The following PACSIN2 variants were observed in gnomAD, a reference collection of about 807,000 sequenced individuals.
PACSIN2 encodes the protein protein kinase C and casein kinase substrate in neurons protein 2.
In PACSIN2, 25 loss-of-function variants were observed where a neutral mutation model predicts 63.8. The observed-to-expected ratio is 0.39, with a 90% CI of 0.29 to 0.55. The LOEUF is 0.55. Ranked by LOEUF, PACSIN2 falls within the 20% of genes least tolerant of loss-of-function variation. The probability of loss-of-function intolerance (pLI) is 0.62; values close to 1 mark genes in which losing one functional copy is unlikely to be tolerated. For missense variants in PACSIN2, 518 were observed against 646.9 expected (o/e 0.80, Z 2.16); for synonymous variants, 255 against 256.2 (o/e 1.00, Z 0.05).
chr22:42,960,825 G>C (rs763494448), intron 1 of PACSIN2, among the ~76,000 whole-genome samples: 47 of 152,294 alleles, frequency 3.1e-4, no homozygotes, highest in Admixed American at 6.5e-4. Context: ...CTTGAGATCT[G>C]TGCACTTTAG....
intron 1 of PACSIN2, among the ~76,000 whole-genome samples, chr22:42,922,559 G>A (rs1249220282): frequency 6.6e-6 from 1 of 152,188 alleles, no homozygotes; most frequent in Non-Finnish European, 1.5e-5. Flanking sequence ...GCTGGGTTCT[G>A]GCCGCTCCAC....
chr22:42,960,243 C>T (rs1934083078), intron 1 of PACSIN2, among the ~76,000 whole-genome samples: 1 of 152,230 alleles, frequency 6.6e-6, no homozygotes, highest in Non-Finnish European at 1.5e-5. Flanking sequence ...GCTCTCTCTG[C>T]ATCTGAGGGG....
chr22:42,901,540 C>T (rs1051170432), intron 2 of PACSIN2, among the ~76,000 whole-genome samples: 5 of 152,202 alleles, frequency 3.3e-5, no homozygotes, highest in African/African-American at 9.6e-5. Flanking sequence ...AGTCCCTCTC[C>T]GTATATTTCT....
At chr22:42,874,115 T>C (rs914594158) in intron 10 of PACSIN2, among the ~76,000 whole-genome samples, 5 of 151,996 alleles carry the variant, frequency 3.3e-5, no homozygotes, top group Admixed American at 6.6e-5. Context: ...AAATTGAAGA[T>C]GTGAAAAGCC....
intron 1 of PACSIN2, among the ~76,000 whole-genome samples, chr22:42,984,112 A>T (rs1042110546): frequency 2.0e-5 from 3 of 151,876 alleles, no homozygotes; most frequent in African/African-American, 7.3e-5. Flanking sequence ...CTGGGATCAT[A>T]GGTGTGCACC....
chr22:42,949,708 TCTCA>T (rs60298779), intron 1 of PACSIN2, among the ~76,000 whole-genome samples: 8,452 of 151,298 alleles, frequency 0.056, 753 homozygotes, highest in African/African-American at 0.19. Context: ...ACACACACTC[TCTCA>T]CACACACACA....
In PACSIN2 at chr22:42,871,274, G is replaced by A. The variant is rs887326521; in HGVS notation, c.*83C>T. ...AGCAATGGAACCATCATCTCTTGCA[G>A]GAAAAGGAGTGGATGCCCACGTGGC... On this transcript the variant is annotated 3_prime_UTR_variant, in exon 11 of 11. Transcript: ENST00000263246. This position sits in a 1 kb window ranked among gnomAD's most constrained non-coding sequence, Gnocchi z 5.4. 18 of 827,798 alleles carry A rather than the reference G, an allele frequency of 2.2e-5. No homozygotes were observed. In the East Asian group the frequency reaches 3.5e-4, roughly 16 times the overall value. The allele number at this position is 827,798 out of a possible 1,614,324, so 51.3% of individuals were successfully genotyped here.
chr22:42,952,204 T>C (rs1426813438), intron 1 of PACSIN2, among the ~76,000 whole-genome samples: 1 of 152,216 alleles, frequency 6.6e-6, no homozygotes, highest in African/African-American at 2.4e-5. Flanking sequence ...AACAGGCACA[T>C]AATAAACACA....
chr22:42,919,102 AATTT>A (rs1239138041), intron 1 of PACSIN2, among the ~76,000 whole-genome samples: 6 of 152,182 alleles, frequency 3.9e-5, no homozygotes, highest in Non-Finnish European at 5.9e-5. Flanking sequence ...TTTGGAAATC[AATTT>A]ATTAATGCAA....
intron 1 of PACSIN2, among the ~76,000 whole-genome samples, chr22:42,922,779 G>C (rs1379041749): frequency 6.6e-6 from 1 of 152,234 alleles, no homozygotes; most frequent in South Asian, 2.1e-4. Context: ...CAGTGGACAA[G>C]GCAGACTGGG....
At chr22:42,926,572 C>T (rs17003418) in intron 1 of PACSIN2, among the ~76,000 whole-genome samples, 1,880 of 152,236 alleles carry the variant, frequency 0.012, 22 homozygotes, top group Non-Finnish European at 0.02. Flanking sequence ...ACAGCACAGA[C>T]TCTCCAATAT....
At chr22:42,928,669 T>A (rs1336990715) in intron 1 of PACSIN2, among the ~76,000 whole-genome samples, 2 of 152,208 alleles carry the variant, frequency 1.3e-5, no homozygotes, top group Non-Finnish European at 2.9e-5. Context: ...TTGTAGGTAA[T>A]CAGGCTGGTG....
intron 5 of PACSIN2, among the ~76,000 whole-genome samples, 157 bp downstream of exon 5, chr22:42,888,476 GTGCTAGGGCA>G (rs1199855848): frequency 3.3e-5 from 5 of 152,192 alleles, no homozygotes; most frequent in Admixed American, 6.5e-5. Flanking sequence ...GTGAGGCGAG[GTGCTAGGGCA>G]CTCACCTGTG....
intron 1 of PACSIN2, among the ~76,000 whole-genome samples, chr22:42,913,691 A>G (rs1931622848): frequency 6.6e-6 from 1 of 152,170 alleles, no homozygotes; most frequent in South Asian, 2.1e-4. Context: ...CATAGTAATT[A>G]TGATTACTAT....
chr22:42,979,899 T>C (rs1185051762), intron 1 of PACSIN2, among the ~76,000 whole-genome samples: 2 of 152,202 alleles, frequency 1.3e-5, no homozygotes, highest in Non-Finnish European at 1.5e-5. Flanking sequence ...ATGCCAACTG[T>C]ACTTGTCATT....
At chr22:42,990,712 C>G (rs748804683) in intron 1 of PACSIN2, among the ~76,000 whole-genome samples, 1 of 152,140 alleles carries the variant, frequency 6.6e-6, no homozygotes, top group Admixed American at 6.5e-5. Context: ...GACCACAAGT[C>G]TGGATTTTAT....
intron 1 of PACSIN2, among the ~76,000 whole-genome samples, chr22:42,977,019 T>C (rs56182394): frequency 0.031 from 4,690 of 152,308 alleles, 249 homozygotes; most frequent in African/African-American, 0.11. Flanking sequence ...AATACACTAC[T>C]GTATTCAAAT....
chr22:42,939,583 C>T (rs1162031761), intron 1 of PACSIN2, among the ~76,000 whole-genome samples: 1 of 152,204 alleles, frequency 6.6e-6, no homozygotes, highest in Non-Finnish European at 1.5e-5. Flanking sequence ...AGCACTCCCA[C>T]AGGGCAACGT....
intron 6 of PACSIN2, among the ~76,000 whole-genome samples, chr22:42,883,004 G>C (rs1323626747): frequency 6.6e-6 from 1 of 152,226 alleles, no homozygotes; most frequent in East Asian, 1.9e-4. Flanking sequence ...CCAAACCCCA[G>C]TGCCTCGGAA....
Sources: gnomAD v4.1 joint callset for allele counts (sites outside exome capture counted in the v4.1 genomes callset) on GRCh38, gnomAD v4.1.1 for gene constraint, Gnocchi (gnomAD v3.1) non-coding constraint, MANE v1.5 for transcripts, NCBI Gene and HGNC (gene_info 2026-07-23, HGNC 2026-07-21) for gene names.